The following SNX29 variants were observed in gnomAD, a reference collection of about 807,000 sequenced individuals.
SNX29 encodes sorting nexin-29.
Under a neutral mutation model 102.1 loss-of-function variants are expected in SNX29, and 78 were observed. That is an observed-to-expected ratio of 0.76 (90% CI 0.64 to 0.92). The LOEUF (loss-of-function observed/expected upper bound fraction) is 0.92, where lower values mean the gene tolerates loss of function less well. Among genes scored for constraint, SNX29 ranks in the 40% least tolerant of loss-of-function variants. The pLI, the probability that SNX29 is intolerant of heterozygous loss-of-function variation, is 0.00. For synonymous variants in SNX29, 580 were observed against 414.5 expected (o/e 1.40, Z -4.85); for missense variants, 1,280 against 1,061.7 (o/e 1.21, Z -2.86).
At chr16:12,170,632 T>A (rs952458545) in intron 13 of SNX29, among the ~76,000 whole-genome samples, 1 of 151,924 alleles carries the variant, frequency 6.6e-6, no homozygotes, top group Non-Finnish European at 1.5e-5. Context: ...ACGGATTGGT[T>A]ACAGAGGGAG....
intron 10 of SNX29, among the ~76,000 whole-genome samples, chr16:12,076,521 C>T (rs59449747): frequency 0.013 from 2,052 of 152,234 alleles, 47 homozygotes; most frequent in African/African-American, 0.047. Context: ...AGGCTGGTCT[C>T]GACCTCCTGA....
chr16:11,978,353 A>C (rs963353568), intron 1 of SNX29, among the ~76,000 whole-genome samples: 1 of 152,242 alleles, frequency 6.6e-6, no homozygotes, highest in Non-Finnish European at 1.5e-5. Context: ...CTGGGTTCAA[A>C]TCTTGGCCCT....
At chr16:12,516,263 T>G (rs1402114148) in intron 19 of SNX29, among the ~76,000 whole-genome samples, 1 of 152,068 alleles carries the variant, frequency 6.6e-6, no homozygotes, top group Admixed American at 6.6e-5. Context: ...GAGGCTCGCT[T>G]AAGCCCAGGA....
At chr16:12,446,705 A>G (rs552389000) in intron 18 of SNX29, among the ~76,000 whole-genome samples, 2 of 152,206 alleles carry the variant, frequency 1.3e-5, no homozygotes, top group Non-Finnish European at 1.5e-5. Flanking sequence ...TATACTCAAC[A>G]CTTAACATGG....
chr16:12,091,775 CAAAAAAAAA>C (rs71408236), intron 11 of SNX29, among the ~76,000 whole-genome samples: 1 of 93,946 alleles, frequency 1.1e-5, no homozygotes, highest in Admixed American at 1.2e-4. Context: ...AGATCCTTCT[CAAAAAAAAA>C]AAAAAAAAAG....
intron 3 of SNX29, among the ~76,000 whole-genome samples, chr16:12,023,890 A>G (rs952603117): frequency 1.3e-5 from 2 of 152,166 alleles, no homozygotes; most frequent in Non-Finnish European, 2.9e-5. Flanking sequence ...CCTGAGATGC[A>G]TCTCCCACCA....
chr16:12,424,036 G>T (rs1202189334), intron 18 of SNX29, among the ~76,000 whole-genome samples: 1 of 152,242 alleles, frequency 6.6e-6, no homozygotes, highest in African/African-American at 2.4e-5. Flanking sequence ...TGGCCAGAGG[G>T]AATCAGGGCT....
At chr16:12,352,284 C>T (rs1206997171) in intron 15 of SNX29, among the ~76,000 whole-genome samples, 1 of 151,582 alleles carries the variant, frequency 6.6e-6, no homozygotes, top group Non-Finnish European at 1.5e-5. Context: ...CCAAACACCG[C>T]ATGTTCTCAC....
intron 18 of SNX29, among the ~76,000 whole-genome samples, chr16:12,467,401 A>G (rs993149282): frequency 6.6e-6 from 1 of 152,192 alleles, no homozygotes; most frequent in Non-Finnish European, 1.5e-5. Context: ...AGAGCTGTAG[A>G]TGACAGTCCC....
At chr16:12,216,677 G>A (rs1309596113) in intron 14 of SNX29, among the ~76,000 whole-genome samples, 2 of 152,298 alleles carry the variant, frequency 1.3e-5, no homozygotes, top group East Asian at 3.9e-4. Flanking sequence ...TGCTAGCAGT[G>A]TGACCTTGGG....
chr16:12,232,434 C>T (rs896739779), intron 14 of SNX29, among the ~76,000 whole-genome samples: 57 of 152,312 alleles, frequency 3.7e-4, no homozygotes, highest in African/African-American at 7.7e-4. Context: ...GCACAAGAAT[C>T]GCTTGAACCC....
intron 20 of SNX29, among the ~76,000 whole-genome samples, chr16:12,562,714 C>T (rs549016383): frequency 6.6e-5 from 10 of 152,262 alleles, no homozygotes; most frequent in Non-Finnish European, 7.4e-5. Flanking sequence ...TGAAGCCTAC[C>T]GTGGTACTGT....
At chr16:12,342,858 A>G (rs1195455909) in intron 15 of SNX29, among the ~76,000 whole-genome samples, 2 of 152,148 alleles carry the variant, frequency 1.3e-5, no homozygotes, top group African/African-American at 4.8e-5. Flanking sequence ...CCCTCTGTCC[A>G]GGTGCTGGTG....
intron 3 of SNX29, among the ~76,000 whole-genome samples, chr16:12,023,864 C>T (rs138179276): frequency 5.9e-5 from 9 of 152,212 alleles, no homozygotes; most frequent in East Asian, 1.9e-4. Flanking sequence ...TTCAAATGAC[C>T]GTTTATACGA....
At chr16:12,162,291 A>G (rs1310829104) in intron 13 of SNX29, among the ~76,000 whole-genome samples, 1 of 152,146 alleles carries the variant, frequency 6.6e-6, no homozygotes, top group African/African-American at 2.4e-5. Context: ...TCCTAGTACC[A>G]TGCGTCATTT....
At chr16:12,022,367 A>T (rs2057054491) in intron 3 of SNX29, among the ~76,000 whole-genome samples, 1 of 151,790 alleles carries the variant, frequency 6.6e-6, no homozygotes, top group Admixed American at 6.6e-5. Flanking sequence ...CACCCAGCTA[A>T]TTTTTGTATT....
At position 12,572,815 on chromosome 16, in the gene SNX29, G is replaced by C. The variant is rs2079216281; in HGVS notation, c.*4186G>C. 4 of 1,064,060 alleles carry C rather than the reference G, an allele frequency of 3.8e-6. No individual in the cohort carries two copies. Among genetic ancestry groups the C allele is most frequent in the East Asian group, 5.0e-5 (1 of 19,932 alleles). The allele number at this position is 1,064,060 out of a possible 1,614,324, so 65.9% of individuals were successfully genotyped here. The stretch of plus-strand genomic sequence containing the variant: ...TTCCCCAGTACATCAGACTGGTTAG[G>C]AGGCATCCCAGAAGGGGCAGCCTCA... On this transcript the variant is annotated 3_prime_UTR_variant, in exon 21 of 21. Transcript: ENST00000566228.
At chr16:12,352,369 G>A (rs938627212) in intron 15 of SNX29, among the ~76,000 whole-genome samples, 1 of 151,740 alleles carries the variant, frequency 6.6e-6, no homozygotes, top group Admixed American at 6.6e-5. Context: ...ACTGTTGTGC[G>A]GTGGGGGAAG....
intron 13 of SNX29, among the ~76,000 whole-genome samples, chr16:12,138,177 C>T (rs1316197474): frequency 4.9e-5 from 6 of 121,412 alleles, no homozygotes; most frequent in African/African-American, 7.6e-5. Context: ...GCATTGTACA[C>T]GAGACTGAAA....
Sources: allele counts gnomAD v4.1 joint callset (sites outside exome capture counted in the v4.1 genomes callset), GRCh38; gene constraint gnomAD v4.1.1; transcripts MANE v1.5; gene names NCBI Gene and HGNC (gene_info 2026-07-23, HGNC 2026-07-21).